CAMKK2: variants seen among roughly 807,000 people sequenced by gnomAD.
CAMKK2 encodes calcium/calmodulin-dependent protein kinase kinase 2.
Under a neutral mutation model 67.2 loss-of-function variants are expected in CAMKK2, and 30 were observed. That is an observed-to-expected ratio of 0.45 (90% CI 0.33 to 0.61). CAMKK2 has a LOEUF of 0.61. Among genes scored for constraint, CAMKK2 ranks in the 20% least tolerant of loss-of-function variants. CAMKK2 has a pLI of 0.02. For missense variants in CAMKK2, 643 were observed against 802.0 expected (o/e 0.80, Z 2.39); for synonymous variants, 322 against 326.2 (o/e 0.99, Z 0.14).
chr12:121,268,083 CAT>C lies in CAMKK2; in HGVS notation c.625+553_625+554del, dbSNP rs71850101. Among the ~76,000 whole-genome samples, 118 of 96,700 alleles carry C rather than the reference CAT, an allele frequency of 1.2e-3. 5 individuals are homozygous for C. Among genetic ancestry groups the C allele is most frequent in the African/African-American group, 1.9e-3 (43 of 22,512 alleles). 63.4% of individuals were successfully genotyped at this position (96,700 alleles called of 152,430 possible). On this transcript the variant is annotated intron_variant, in intron 5 of 16. Coordinates refer to ENST00000404169, the MANE Select transcript of CAMKK2 (RefSeq NM_001270485.2). ...TGGCTGAATAATATTCCATTGGATG[CAT>C]ATATATATATATATACTCTATTCAT...
At chr12:121,255,234 T>TTATATATA (rs1491340389) in intron 9 of CAMKK2, among the ~76,000 whole-genome samples, 2 of 5,034 alleles carry the variant, frequency 4.0e-4, no homozygotes, top group Non-Finnish European at 4.1e-4. Context: ...ATATATATAA[T>TTATATATA]TTTATATATA....
Position 121,254,526 on chromosome 12 carries a change from G to A in CAMKK2, c.907+1024C>T, listed in dbSNP as rs549245387. ...CACCTGCCAATCAAACCACTGATGT[G>A]TACTGGCTGATCTCAGCCCTGGTGA... On this transcript the variant is annotated intron_variant, in intron 9 of 16. Coordinates refer to ENST00000404169, the MANE Select transcript of CAMKK2 (RefSeq NM_001270485.2). Among the ~76,000 whole-genome samples the A allele has an allele frequency of 1.3e-5, 2 of 152,180 alleles. 1 individual carries two copies. The highest frequency in any genetic ancestry group is 3.9e-4 in the East Asian group (2 of 5,166).
At chr12:121,241,065 C>T (rs150326056) in intron 16 of CAMKK2, among the ~76,000 whole-genome samples, 196 bp from the exon 17 acceptor site, 15 of 152,252 alleles carry the variant, frequency 9.9e-5, no homozygotes, top group Admixed American at 2.0e-4. Flanking sequence ...AGACTTTGCA[C>T]GCAGCCCCTC....
Position 121,273,290 on chromosome 12 carries a change from A to G in CAMKK2, c.471+766T>C, listed in dbSNP as rs977638863. Reference sequence around the variant, plus strand: ...TGGGGTGGTGGGGGAGGTGGTTCCAAGCAGAAGGAACAGCGAGAGTACAGA... The same window carrying G: ...TGGGGTGGTGGGGGAGGTGGTTCCAGGCAGAAGGAACAGCGAGAGTACAGA... On this transcript the variant is annotated intron_variant, in intron 2 of 16. Coordinates refer to ENST00000404169, the MANE Select transcript of CAMKK2 (RefSeq NM_001270485.2). 2.6e-5 allele frequency among the ~76,000 whole-genome samples: 4 copies of G among 152,078 alleles called. No homozygotes were observed. In the East Asian group the frequency reaches 7.7e-4, roughly 29 times the overall value.
At chr12:121,262,336 C>A (rs1893621528) in intron 6 of CAMKK2, among the ~76,000 whole-genome samples, 1 of 151,926 alleles carries the variant, frequency 6.6e-6, no homozygotes, top group South Asian at 2.1e-4. Flanking sequence ...CACGGTGAAA[C>A]CCCATCTCCA....
rs1050679673 is a variant in CAMKK2, at chr12:121,245,307, A to T, written c.1453-67T>A. On this transcript the variant is annotated intron_variant, in intron 14 of 16. Coordinates refer to ENST00000404169, the MANE Select transcript of CAMKK2 (RefSeq NM_001270485.2). This position sits in a 1 kb window ranked among gnomAD's most constrained non-coding sequence, Gnocchi z 5.8. ...CCATGTGGGGGCGATTCTGGGCAAC[A>T]TCCTCCCTCTTCCTTCTCCCCAGCC... The T allele has an allele frequency of 2.1e-6, 2 of 964,284 alleles. No homozygotes were observed. Among genetic ancestry groups the T allele is most frequent in the Admixed American group, 4.0e-5 (2 of 50,192 alleles). The allele number at this position is 964,284 out of a possible 1,614,324, so 59.7% of individuals were successfully genotyped here. A position where few individuals can be genotyped will look rare whatever the true frequency, so the allele number is the denominator to read the frequency against.
intron 10 of CAMKK2, 141 bp from the exon 11 acceptor site, chr12:121,252,855 A>T (rs1390428329): frequency 1.3e-6 from 1 of 783,784 alleles, no homozygotes; most frequent in African/African-American, 1.7e-5. Flanking sequence ...GCTCTGGGGC[A>T]GGCACAGGAT....
chr12:121,243,855 C>T (rs1063846), intron 16 of CAMKK2: 1 of 1,339,646 alleles, frequency 7.5e-7, no homozygotes, highest in Non-Finnish European at 9.6e-7. Flanking sequence ...GAAGTGACTG[C>T]CTGGAGCTCC....
intron 13 of CAMKK2, 51 bp from the exon 14 acceptor site, chr12:121,248,785 G>A: frequency 6.2e-7 from 1 of 1,609,438 alleles, no homozygotes; most frequent in East Asian, 2.2e-5. Context: ...GGCTACCGGG[G>A]GGCCCTGCCA....
In CAMKK2 at chr12:121,274,558, G is replaced by A. The variant is rs200084706; in HGVS notation, c.-32C>T. On this transcript the variant is annotated 5_prime_UTR_variant, in exon 2 of 17. Coordinates refer to ENST00000404169, the MANE Select transcript of CAMKK2 (RefSeq NM_001270485.2). Reference sequence around the variant, plus strand: ...TGCGCCAGCTTCATCCAGCACACTGGGGCACTCCCATCCGGCAGCGGAGCC... The same window carrying A: ...TGCGCCAGCTTCATCCAGCACACTGAGGCACTCCCATCCGGCAGCGGAGCC... 6.6e-7 allele frequency: 1 copy of A among 1,511,478 alleles called. No individual in the cohort carries two copies. The highest frequency in any genetic ancestry group is 2.3e-5 in the East Asian group (1 of 43,154). 93.6% of individuals were successfully genotyped at this position (1,511,478 alleles called of 1,614,324 possible). A position where few individuals can be genotyped will look rare whatever the true frequency, so the allele number is the denominator to read the frequency against.
chr12:121,279,909 T>C (rs1897450355), intron 1 of CAMKK2, among the ~76,000 whole-genome samples: 1 of 152,238 alleles, frequency 6.6e-6, no homozygotes. Flanking sequence ...AGGGGCTGTT[T>C]CCAACCTGCA....
intron 7 of CAMKK2, 26 bp from the exon 8 acceptor site, chr12:121,255,830 G>A (rs1465380928): frequency 1.2e-6 from 2 of 1,612,112 alleles, no homozygotes; most frequent in Admixed American, 1.7e-5. Flanking sequence ...GGGTGAAACT[G>A]TTACATGGGA....
rs1453782972 is a variant in CAMKK2 at position 121,253,218 on chromosome 12, T to C, written c.1107+55A>G. The C allele has an allele frequency of 2.0e-6, 3 of 1,506,490 alleles. No homozygotes were observed. The African/African-American group carries it at 4.1e-5, about 21-fold the overall frequency. 93.3% of individuals were successfully genotyped at this position (1,506,490 alleles called of 1,614,324 possible). On this transcript the variant is annotated intron_variant, in intron 10 of 16. Transcript: ENST00000404169. This position sits in a 1 kb window ranked among gnomAD's most constrained non-coding sequence, Gnocchi z 5.0. ...TGCGTTGGGTTTCTGCTGCTTACAA[T>C]CCAGAAGACACTAACACAGGCAGAA...
chr12:121,297,622 G>T (rs531620835), upstream of CAMKK2: 1 of 517,092 alleles, frequency 1.9e-6, no homozygotes, highest in African/African-American at 1.9e-5. Context: ...AGACCTGGAG[G>T]GCTCCCTGAA....
At chr12:121,248,583 G>T in intron 14 of CAMKK2, 23 bp downstream of exon 14, 6 of 1,614,030 alleles carry the variant, frequency 3.7e-6, no homozygotes, top group Non-Finnish European at 5.1e-6. Flanking sequence ...CCCTGCTCTG[G>T]GTCAGGGGTC....
intron 2 of CAMKK2, among the ~76,000 whole-genome samples, chr12:121,271,255 A>G (rs1895700830): frequency 6.8e-6 from 1 of 147,860 alleles, no homozygotes; most frequent in Non-Finnish European, 1.5e-5. Context: ...GCCTGGGCAA[A>G]AGAGTAAAAC....
intron 1 of CAMKK2, among the ~76,000 whole-genome samples, chr12:121,292,318 G>A (rs879868403): frequency 1.3e-5 from 2 of 151,812 alleles, no homozygotes; most frequent in Non-Finnish European, 2.9e-5. Context: ...TAGTGGGGAC[G>A]GGGTTTCGCT....
Position 121,253,239 on chromosome 12 carries a change from C to G in CAMKK2, c.1107+34G>C, listed in dbSNP as rs752393596. The G allele has an allele frequency of 1.3e-6, 2 of 1,588,998 alleles. No individual in the cohort carries two copies. The highest frequency in any genetic ancestry group is 1.7e-6 in the Non-Finnish European group (2 of 1,157,740). On this transcript the variant is annotated intron_variant, in intron 10 of 16. Transcript: ENST00000404169. The surrounding 1 kb of genome is among the most constrained non-coding windows in gnomAD (Gnocchi z 5.0). Reference sequence around the variant, plus strand: ...ACAATCCAGAAGACACTAACACAGGCAGAACTCTGTGGCTGAGGCAGGCCC... The same window carrying G: ...ACAATCCAGAAGACACTAACACAGGGAGAACTCTGTGGCTGAGGCAGGCCC...
Position 121,253,192 on chromosome 12 carries a change from G to T in CAMKK2, c.1107+81C>A. ...CAGGGGATTCACTGTTTAAGCCTGTGTGCGTTGGGTTTCTGCTGCTTACAA... is the reference window on the plus strand; with the variant it reads ...CAGGGGATTCACTGTTTAAGCCTGTTTGCGTTGGGTTTCTGCTGCTTACAA... On this transcript the variant is annotated intron_variant, in intron 10 of 16. Transcript: ENST00000404169. The surrounding 1 kb of genome is among the most constrained non-coding windows in gnomAD (Gnocchi z 5.0). 8.1e-7 allele frequency: 1 copy of T among 1,228,660 alleles called. No homozygotes were observed. The highest frequency in any genetic ancestry group is 1.2e-6 in the Non-Finnish European group (1 of 842,878). The allele number at this position is 1,228,660 out of a possible 1,614,324, so 76.1% of individuals were successfully genotyped here. A position where few individuals can be genotyped will look rare whatever the true frequency, so the allele number is the denominator to read the frequency against.
Sources: gnomAD v4.1 joint callset for allele counts (sites outside exome capture counted in the v4.1 genomes callset) on GRCh38, gnomAD v4.1.1 for gene constraint, Gnocchi (gnomAD v3.1) non-coding constraint, MANE v1.5 for transcripts, NCBI Gene and HGNC (gene_info 2026-07-23, HGNC 2026-07-21) for gene names.